Variants in ST8SIA4 observed in about 807,000 individuals in gnomAD.
ST8SIA4 encodes the protein CMP-N-acetylneuraminate-poly-alpha-2,8-sialyltransferase.
In ST8SIA4, 15 loss-of-function variants were observed where a neutral mutation model predicts 33.9. That is an observed-to-expected ratio of 0.44 (90% CI 0.30 to 0.68). ST8SIA4 has a LOEUF of 0.68. Ranked by LOEUF, ST8SIA4 falls within the 30% of genes least tolerant of loss-of-function variation. ST8SIA4 has a pLI of 0.10. For missense variants in ST8SIA4, 321 were observed against 428.0 expected, an observed-to-expected ratio of 0.75 and a Z score of 2.21; for synonymous variants, 171 against 151.2, an observed-to-expected ratio of 1.13 and a Z score of -0.96.
At chr5:100,893,256 G>T (rs939875269) in intron 2 of ST8SIA4, among the ~76,000 whole-genome samples, 21 of 151,944 alleles carry the variant, frequency 1.4e-4, no homozygotes, top group African/African-American at 4.8e-4. Context: ...TTTATTACAG[G>T]TATCAAACTG....
At chr5:100,848,943 C>CTTATATATTTCAAATATATATATTTA (rs1751626736) in intron 4 of ST8SIA4, 2 of 167,136 alleles carry the variant, frequency 1.2e-5, no homozygotes, top group Non-Finnish European at 2.4e-5. Flanking sequence ...ATATATATTT[C>CTTATATATTTCAAATATATATATTTA]TTATATATAT....
intron 4 of ST8SIA4, among the ~76,000 whole-genome samples, chr5:100,852,028 T>C (rs1384429148): frequency 2.0e-5 from 3 of 151,800 alleles, no homozygotes; most frequent in Non-Finnish European, 4.4e-5. Context: ...GAAGCTTTTA[T>C]TTTACATTTT....
At chr5:100,850,157 T>C (rs543149488) in intron 4 of ST8SIA4, among the ~76,000 whole-genome samples, 22 of 152,170 alleles carry the variant, frequency 1.4e-4, no homozygotes, top group Non-Finnish European at 3.2e-4. Flanking sequence ...TTTAAAAATC[T>C]ATATGAAATA....
intron 4 of ST8SIA4, chr5:100,849,452 C>T: frequency 1.0e-6 from 1 of 985,280 alleles, no homozygotes; most frequent in Non-Finnish European, 1.2e-6. Flanking sequence ...AAAATTTTCG[C>T]AGAACCTGCA....
At chr5:100,874,649 A>G (rs1409253584) in intron 3 of ST8SIA4, among the ~76,000 whole-genome samples, 2 of 151,744 alleles carry the variant, frequency 1.3e-5, no homozygotes, top group African/African-American at 2.4e-5. Context: ...TAGTGATACC[A>G]TCATGGCTCA....
At chr5:100,850,886 T>C (rs1363873774) in intron 4 of ST8SIA4, among the ~76,000 whole-genome samples, 1 of 151,614 alleles carries the variant, frequency 6.6e-6, no homozygotes, top group Non-Finnish European at 1.5e-5. Flanking sequence ...CAGGATATTG[T>C]ATTTGAAAAG....
rs540800695 is a variant in ST8SIA4, at chr5:100,841,638, C to T, written c.797+14465G>A. Among the ~76,000 whole-genome samples, 20 of 151,948 alleles carry T rather than the reference C, an allele frequency of 1.3e-4. No homozygotes were observed. In the South Asian group the frequency reaches 3.3e-3, roughly 25 times the overall value. ...ACTGCTTTTGTTGCTTCATTCCTTC[C>T]TTGCTTTGTTTGTGTGTTTTGTCCA... On this transcript the variant is annotated intron_variant, in intron 4 of 4. Transcript: ENST00000231461.
intron 3 of ST8SIA4, among the ~76,000 whole-genome samples, chr5:100,869,481 A>G (rs1279038852): frequency 6.6e-6 from 1 of 152,170 alleles, no homozygotes; most frequent in Non-Finnish European, 1.5e-5. Context: ...TTCTGCTATG[A>G]TCTGAATGTC....
rs576728984 is a variant in ST8SIA4 at position 100,830,293 on chromosome 5, T to G, written c.798-18164A>C. On this transcript the variant is annotated intron_variant, in intron 4 of 4. Transcript: ENST00000231461. ...TGTTACCACTTACTATGTGAGCTGGTATAAGATATTTGATTTCATTGTGCT... is the reference window on the plus strand; with the variant it reads ...TGTTACCACTTACTATGTGAGCTGGGATAAGATATTTGATTTCATTGTGCT... Among the ~76,000 whole-genome samples, 3 of 152,378 alleles carry G rather than the reference T, an allele frequency of 2.0e-5. No homozygotes were observed. In the South Asian group the frequency reaches 6.2e-4, roughly 32 times the overall value.
intron 4 of ST8SIA4, among the ~76,000 whole-genome samples, chr5:100,855,857 G>T (rs11742480): frequency 0.28 from 42,678 of 152,064 alleles, 6,236 homozygotes; most frequent in Non-Finnish European, 0.32. Context: ...AAAATTAGTA[G>T]TTTGTTCATG....
intron 4 of ST8SIA4, among the ~76,000 whole-genome samples, chr5:100,821,928 G>T (rs13357545): frequency 6.6e-6 from 1 of 151,954 alleles, no homozygotes; most frequent in Non-Finnish European, 1.5e-5. Context: ...CTCAGACAAG[G>T]GCTTTCCATG....
chr5:100,888,113 C>G (rs944011023), intron 2 of ST8SIA4, among the ~76,000 whole-genome samples: 1 of 149,854 alleles, frequency 6.7e-6, no homozygotes, highest in African/African-American at 2.5e-5. Flanking sequence ...GGGTTAAGAA[C>G]AGTGAGCAGA....
chr5:100,863,654 T>G (rs1751997094), intron 3 of ST8SIA4, among the ~76,000 whole-genome samples: 1 of 152,144 alleles, frequency 6.6e-6, no homozygotes, highest in Admixed American at 6.5e-5. Flanking sequence ...AAAATCTTCT[T>G]TAGCATTGGA....
Position 100,866,786 on chromosome 5 carries a change from G to A in ST8SIA4, c.504-10390C>T, listed in dbSNP as rs1050218105. On this transcript the variant is annotated intron_variant, in intron 3 of 4. Transcript: ENST00000231461. ...AGGTCATTGATTTGTAAGTGCTAGA[G>A]CTGGGGTTCAAAACCAAGCAGTCTA... 8.5e-5 allele frequency among the ~76,000 whole-genome samples: 13 copies of A among 152,050 alleles called. 1 individual carries two copies. Among genetic ancestry groups the A allele is most frequent in the Non-Finnish European group, 1.6e-4 (11 of 67,966 alleles).
chr5:100,881,586 A>C (rs1369793935), intron 3 of ST8SIA4, among the ~76,000 whole-genome samples: 1 of 152,222 alleles, frequency 6.6e-6, no homozygotes, highest in African/African-American at 2.4e-5. Flanking sequence ...TAAAGCACAC[A>C]TTGCACACAG....
chr5:100,852,470 T>G (rs1268960357), intron 4 of ST8SIA4, among the ~76,000 whole-genome samples: 1 of 69,640 alleles, frequency 1.4e-5, no homozygotes, highest in Non-Finnish European at 3.4e-5. Context: ...AAATGTTAAT[T>G]TGAAAAATGC....
At chr5:100,869,712 G>A (rs1561400483) in intron 3 of ST8SIA4, among the ~76,000 whole-genome samples, 1 of 152,086 alleles carries the variant, frequency 6.6e-6, no homozygotes, top group African/African-American at 2.4e-5. Flanking sequence ...GTCCTTCTTG[G>A]ACTATAAGAT....
At chr5:100,868,448 C>T (rs774077869) in intron 3 of ST8SIA4, among the ~76,000 whole-genome samples, 1 of 152,002 alleles carries the variant, frequency 6.6e-6, no homozygotes, top group Non-Finnish European at 1.5e-5. Context: ...AGACACTGCT[C>T]TAACCAGTTG....
At chr5:100,866,763 G>A (rs1355922539) in intron 3 of ST8SIA4, among the ~76,000 whole-genome samples, 2 of 151,996 alleles carry the variant, frequency 1.3e-5, no homozygotes, top group African/African-American at 4.8e-5. Flanking sequence ...CCAGCCCAAG[G>A]TCATTGATTT....
Sources: allele counts gnomAD v4.1 joint callset (sites outside exome capture counted in the v4.1 genomes callset), GRCh38; gene constraint gnomAD v4.1.1; transcripts MANE v1.5; gene names NCBI Gene and HGNC (gene_info 2026-07-23, HGNC 2026-07-21).